Variants in WNT2B observed in about 807,000 individuals in gnomAD.
WNT2B encodes the protein protein Wnt-2b.
A neutral mutation model predicts 40.5 loss-of-function variants in WNT2B; 19 were observed. The ratio of observed to expected loss-of-function variants is 0.47; its 90% CI spans 0.33 to 0.69. The LOEUF (loss-of-function observed/expected upper bound fraction) is 0.69. Among genes scored for constraint, WNT2B ranks in the 30% least tolerant of loss-of-function variants. The pLI is 0.02. For missense variants in WNT2B, 467 were observed against 556.4 expected, an observed-to-expected ratio of 0.84 and a Z score of 1.62; for synonymous variants, 220 against 211.9, an observed-to-expected ratio of 1.04 and a Z score of -0.33.
intron 1 of WNT2B, among the ~76,000 whole-genome samples, chr1:112,482,267 C>T (rs944240007): frequency 6.6e-5 from 10 of 151,962 alleles, no homozygotes; most frequent in Admixed American, 3.3e-4. Flanking sequence ...TGCAGTGAGT[C>T]GTGATTGTGC....
chr1:112,506,420 G>A (rs562239540), upstream of WNT2B, among the ~76,000 whole-genome samples: 5 of 152,344 alleles, frequency 3.3e-5, no homozygotes, highest in East Asian at 1.9e-4. Flanking sequence ...CCATGTGGGC[G>A]AGTCCACTCT....
rs1653971601 is a variant in WNT2B at position 112,529,227 on chromosome 1, T to G, written c.*8718T>G. ...CCAAAACGTGTGCCATATTCTAGGTTTCTGCTTTACTTAACTGGCAAAATT... is the reference window on the plus strand; with the variant it reads ...CCAAAACGTGTGCCATATTCTAGGTGTCTGCTTTACTTAACTGGCAAAATT... On this transcript the variant is annotated 3_prime_UTR_variant, in exon 5 of 5. Transcript: ENST00000369684. The G allele has an allele frequency of 6.6e-6, 1 of 152,216 alleles. No homozygotes were observed. Among genetic ancestry groups the G allele is most frequent in the Admixed American group, 6.5e-5 (1 of 15,288 alleles). The allele number at this position is 152,216 out of a possible 1,614,324, so 9.4% of individuals were successfully genotyped here.
Position 112,526,060 on chromosome 1 carries a change from T to C in WNT2B, c.*5551T>C. On this transcript the variant is annotated 3_prime_UTR_variant, in exon 5 of 5. Transcript: ENST00000369684. Reference sequence around the variant, plus strand: ...TCTTCTGACTTCAAATCCTGTGTATTCTCCTCAAAGCCTGAGGATGCCCAG... The same window carrying C: ...TCTTCTGACTTCAAATCCTGTGTATCCTCCTCAAAGCCTGAGGATGCCCAG... The C allele has an allele frequency of 6.2e-7, 1 of 1,614,086 alleles. No homozygotes were observed. The highest frequency in any genetic ancestry group is 8.5e-7 in the Non-Finnish European group (1 of 1,180,020).
upstream of WNT2B, chr1:112,508,923 C>T (rs1037618500): frequency 9.7e-6 from 11 of 1,128,794 alleles, no homozygotes; most frequent in Non-Finnish European, 1.2e-5. This position sits in a 1 kb window ranked among gnomAD's most constrained non-coding sequence, Gnocchi z 4.2. Flanking sequence ...TCGGCCCCGC[C>T]CCGTCCCGTC....
chr1:112,505,829 C>T (rs377487935), upstream of WNT2B, among the ~76,000 whole-genome samples: 4 of 152,288 alleles, frequency 2.6e-5, no homozygotes, highest in African/African-American at 9.6e-5. Context: ...GACAAAGAAG[C>T]AGAAGGAGCC....
intron 1 of WNT2B, among the ~76,000 whole-genome samples, chr1:112,481,134 A>C (rs1213057730): frequency 2.0e-5 from 3 of 151,158 alleles, no homozygotes; most frequent in Non-Finnish European, 1.5e-5. Flanking sequence ...GCGCCACTGC[A>C]CTCCAGCCTG....
intron 1 of WNT2B, among the ~76,000 whole-genome samples, chr1:112,495,791 T>C (rs914537238): frequency 6.6e-6 from 1 of 152,068 alleles, no homozygotes; most frequent in Non-Finnish European, 1.5e-5. Context: ...GATTGGGCAG[T>C]TTATAAAGGA....
rs1402937844 is a variant in WNT2B, at chr1:112,521,662, TCCA to T, written c.*1154_*1156del. ...TCAACAAATCTTTATTTAGTGACTCTCCAAGTCCTAGTGATTATTATTATTGTT... is the reference window on the plus strand; with the variant it reads ...TCAACAAATCTTTATTTAGTGACTCTAGTCCTAGTGATTATTATTATTGTT... On this transcript the variant is annotated 3_prime_UTR_variant, in exon 5 of 5. Transcript: ENST00000369684. 53 of 152,328 alleles carry T rather than the reference TCCA, an allele frequency of 3.5e-4. No homozygotes were observed. The highest frequency in any genetic ancestry group is 1.1e-3 in the African/African-American group (47 of 41,556). 9.4% of individuals were successfully genotyped at this position (152,328 alleles called of 1,614,324 possible).
exon 1 of WNT2B, chr1:112,467,173 T>C (rs12097320): frequency 0.015 from 3,982 of 265,080 alleles, 175 homozygotes; most frequent in African/African-American, 0.083. Context: ...GGATAGCATA[T>C]ACAGTGCACC....
At chr1:112,502,710 CAG>C (rs1335434785) in intron 1 of WNT2B, among the ~76,000 whole-genome samples, 1 of 151,998 alleles carries the variant, frequency 6.6e-6, no homozygotes, top group African/African-American at 2.4e-5. Context: ...ACACATAACA[CAG>C]GGGTTAGGAG....
rs141623633 is a variant in WNT2B at position 112,475,653 on chromosome 1, G to A, written c.-95+8062G>A. 1.5e-3 allele frequency among the ~76,000 whole-genome samples: 235 copies of A among 151,646 alleles called. 2 individuals are homozygous for A. Among genetic ancestry groups the A allele is most frequent in the African/African-American group, 5.5e-3 (229 of 41,344 alleles). On this transcript the variant is annotated intron_variant, in intron 1 of 4. Transcript: ENST00000256640. ...TGAAGCTAGACCACAATAAGTTAAA[G>A]ATGTACACAATGAGCCATAAAGCAA...
chr1:112,467,021 A>G (rs1382405766), exon 1 of WNT2B: 1 of 155,392 alleles, frequency 6.4e-6, no homozygotes, highest in Non-Finnish European at 1.4e-5. Flanking sequence ...TATAATAAAT[A>G]GAGCAACAAG....
intron 1 of WNT2B, among the ~76,000 whole-genome samples, chr1:112,496,172 G>A (rs539531578): frequency 5.8e-4 from 88 of 152,200 alleles, no homozygotes; most frequent in African/African-American, 1.7e-3. Flanking sequence ...AGAGTACAGC[G>A]ATGTAATCAT....
chr1:112,499,420 A>G lies in WNT2B; in HGVS notation c.-94-15454A>G, dbSNP rs146137281. The stretch of plus-strand genomic sequence containing the variant: ...AAAATCCACAAAATATTAGCAAATC[A>G]AGTCCAATAATGTATAAAAAGAATT... On this transcript the variant is annotated intron_variant, in intron 1 of 4. Coordinates refer to the WNT2B transcript ENST00000256640. 2.0e-5 allele frequency among the ~76,000 whole-genome samples: 3 copies of G among 152,344 alleles called. No individual in the cohort carries two copies. The East Asian group carries it at 5.8e-4, about 29-fold the overall frequency.
chr1:112,488,049 TTTGAGAGGCCAAGGC>T (rs1374280369), intron 1 of WNT2B, among the ~76,000 whole-genome samples: 1 of 151,142 alleles, frequency 6.6e-6, no homozygotes, highest in African/African-American at 2.4e-5. Flanking sequence ...ATCCCACCAC[TTTGAGAGGCCAAGGC>T]GGGCAAATCA....
At chr1:112,499,883 G>A (rs2101072659) in intron 1 of WNT2B, among the ~76,000 whole-genome samples, 1 of 144,294 alleles carries the variant, frequency 6.9e-6, no homozygotes, top group Non-Finnish European at 1.5e-5. Flanking sequence ...AATGACAGGA[G>A]TAACTGTCTC....
chr1:112,517,283 G>A lies in WNT2B; in HGVS notation c.844G>A (p.Ala282Thr). The A allele has an allele frequency of 6.2e-7, 1 of 1,614,206 alleles. No individual in the cohort carries two copies. Among genetic ancestry groups the A allele is most frequent in the Non-Finnish European group, 8.5e-7 (1 of 1,180,036 alleles). ...AVQVMATQDG[A>T]NFTAARQGYR... Reference sequence around the variant, plus strand: ...GCAGGTGATGGCCACCCAAGATGGTGCCAACTTCACCGCAGCCCGCCAAGG... The same window carrying A: ...GCAGGTGATGGCCACCCAAGATGGTACCAACTTCACCGCAGCCCGCCAAGG... Residue 282 changes from alanine to threonine, a missense_variant, in exon 4 of 5, where the codon GCC becomes ACC. By Grantham distance (58) the Ala-to-Thr change is moderately conservative. Transcript: ENST00000369684.
At position 112,527,080 on chromosome 1, in the gene WNT2B, CAGTG is replaced by C. The variant is rs1240715202; in HGVS notation, c.*6575_*6578del. 1 of 152,254 alleles carries C rather than the reference CAGTG, an allele frequency of 6.6e-6. No homozygotes were observed. 9.4% of individuals were successfully genotyped at this position (152,254 alleles called of 1,614,324 possible). On this transcript the variant is annotated 3_prime_UTR_variant, in exon 5 of 5. Transcript: ENST00000369684. The stretch of plus-strand genomic sequence containing the variant: ...TCTGGACCTCTGTTTAGGCGCAAGA[CAGTG>C]AGTAAGAGCAGCTCCAAAAGATGAC...
At chr1:112,489,388 A>C (rs1053661361) in intron 1 of WNT2B, among the ~76,000 whole-genome samples, 1 of 151,906 alleles carries the variant, frequency 6.6e-6, no homozygotes, top group African/African-American at 2.4e-5. Flanking sequence ...GTGAAAGCCC[A>C]TCTCTACTAA....
Sources: allele counts gnomAD v4.1 joint callset (sites outside exome capture counted in the v4.1 genomes callset), GRCh38; gene constraint gnomAD v4.1.1; non-coding constraint Gnocchi (gnomAD v3.1); transcripts MANE v1.5; gene names NCBI Gene and HGNC (gene_info 2026-07-23, HGNC 2026-07-21).